The following C12orf42 variants were observed in gnomAD, a reference collection of about 807,000 sequenced individuals.
C12orf42 encodes the protein chromosome 12 open reading frame 42.
In C12orf42, 25 loss-of-function variants were observed where a neutral mutation model predicts 21.6. That is an observed-to-expected ratio of 1.16 (90% CI 0.84 to 1.62). The LOEUF is 1.62. C12orf42 is among the 40% of genes most tolerant of loss of function. C12orf42 has a pLI of 0.00. For synonymous variants in C12orf42, 174 were observed against 175.0 expected (o/e 0.99, Z 0.05); for missense variants, 483 against 459.3 (o/e 1.05, Z -0.47).
At chr12:103,326,681 T>G (rs1339101362) in intron 4 of C12orf42, among the ~76,000 whole-genome samples, 1 of 152,192 alleles carries the variant, frequency 6.6e-6, no homozygotes, top group Non-Finnish European at 1.5e-5. Flanking sequence ...ACATTGACAT[T>G]GGCTCAATCT....
intron 3 of C12orf42, among the ~76,000 whole-genome samples, chr12:103,389,406 G>C (rs766179238): frequency 3.9e-5 from 6 of 152,284 alleles, no homozygotes; most frequent in Non-Finnish European, 7.4e-5. Flanking sequence ...CCTCTGAGGA[G>C]GGAGGCCAAA....
intron 2 of C12orf42, among the ~76,000 whole-genome samples, chr12:103,422,876 A>T (rs2050031977): frequency 6.6e-6 from 1 of 152,016 alleles, no homozygotes; most frequent in African/African-American, 2.4e-5. Context: ...AGAAAAATAA[A>T]ACAATGCTCT....
chr12:103,095,137 A>T, the C12orf42 span, among the ~76,000 whole-genome samples: 2 of 152,178 alleles, frequency 1.3e-5, no homozygotes, highest in African/African-American at 4.8e-5. Context: ...TTATGGTAAT[A>T]GCCCCCTGAT....
the C12orf42 span, among the ~76,000 whole-genome samples, chr12:103,061,015 C>A: frequency 6.6e-6 from 1 of 152,124 alleles, no homozygotes; most frequent in South Asian, 2.1e-4. Context: ...AAGAGAACAG[C>A]ACTTCTTTAC....
At chr12:103,559,751 T>C in the C12orf42 span, 1 of 152,192 alleles carries the variant, frequency 6.6e-6, no homozygotes, top group Non-Finnish European at 1.5e-5. Context: ...CACCACCACA[T>C]ACCATTATGC....
chr12:103,526,847 T>C, the C12orf42 span, among the ~76,000 whole-genome samples: 72 of 152,318 alleles, frequency 4.7e-4, 1 homozygote, highest in African/African-American at 1.7e-3. Flanking sequence ...TAAATTTCTA[T>C]TGTTGAAGCT....
intron 2 of C12orf42, among the ~76,000 whole-genome samples, chr12:103,422,760 T>C (rs925125095): frequency 2.0e-5 from 3 of 151,420 alleles, no homozygotes; most frequent in African/African-American, 7.3e-5. Flanking sequence ...CAAGCAAGAC[T>C]GTAACTGTAA....
the C12orf42 span, among the ~76,000 whole-genome samples, chr12:103,099,826 A>AGACAACTT: frequency 2.3e-3 from 345 of 152,328 alleles, no homozygotes; most frequent in Non-Finnish European, 4.3e-3. Context: ...GACGTTTTAT[A>AGACAACTT]GACAACTTTC....
At chr12:103,536,989 A>G in the C12orf42 span, among the ~76,000 whole-genome samples, 2 of 152,006 alleles carry the variant, frequency 1.3e-5, no homozygotes, top group Non-Finnish European at 2.9e-5. Flanking sequence ...TGAAAACCCT[A>G]TGAGAGCAGA....
At chr12:103,483,616 G>A (rs1225881487) in intron 1 of C12orf42, among the ~76,000 whole-genome samples, 1 of 151,816 alleles carries the variant, frequency 6.6e-6, no homozygotes, top group African/African-American at 2.4e-5. Flanking sequence ...CCGTTTTTTT[G>A]CTGAATTTTT....
At chr12:103,562,899 C>T in the C12orf42 span, among the ~76,000 whole-genome samples, 1 of 152,202 alleles carries the variant, frequency 6.6e-6, no homozygotes, top group East Asian at 1.9e-4. Context: ...CATTGAAAGA[C>T]TCACATTAAC....
downstream of C12orf42, among the ~76,000 whole-genome samples, chr12:103,263,605 C>T (rs985139535): frequency 6.6e-6 from 1 of 152,136 alleles, no homozygotes; most frequent in African/African-American, 2.4e-5. Context: ...TGGCAAGGAA[C>T]TCCTCTGCTC....
intron 1 of C12orf42, among the ~76,000 whole-genome samples, chr12:103,482,876 G>A (rs568191666): frequency 6.6e-6 from 1 of 151,040 alleles, no homozygotes; most frequent in Non-Finnish European, 1.5e-5. Flanking sequence ...TCTTCTTCAG[G>A]TTCTTCTTAT....
chr12:103,223,259 C>T, the C12orf42 span, among the ~76,000 whole-genome samples: 5 of 151,754 alleles, frequency 3.3e-5, no homozygotes, highest in Admixed American at 3.3e-4. Flanking sequence ...GGATTAGGGG[C>T]GTCGTGGGAA....
intron 2 of C12orf42, among the ~76,000 whole-genome samples, chr12:103,431,984 C>A (rs910820259): frequency 4.6e-5 from 7 of 152,174 alleles, no homozygotes; most frequent in African/African-American, 1.4e-4. Context: ...GAAGGTCAAG[C>A]AGGCAACCTG....
At chr12:103,063,268 TC>T in the C12orf42 span, among the ~76,000 whole-genome samples, 1 of 152,118 alleles carries the variant, frequency 6.6e-6, no homozygotes, top group African/African-American at 2.4e-5. Context: ...AAGAACCTTA[TC>T]CCCTGTAGAG....
intron 10 of C12orf42, among the ~76,000 whole-genome samples, chr12:103,246,431 G>A (rs1421351297): frequency 6.6e-6 from 1 of 151,866 alleles, no homozygotes; most frequent in Non-Finnish European, 1.5e-5. Flanking sequence ...ATTTTAAGAG[G>A]GCTGGATTTA....
At chr12:103,143,665 A>G in the C12orf42 span, among the ~76,000 whole-genome samples, 2 of 152,260 alleles carry the variant, frequency 1.3e-5, no homozygotes, top group African/African-American at 2.4e-5. Context: ...CAAAGGCTGC[A>G]TAGTTCTAAG....
At chr12:103,125,266 C>T in the C12orf42 span, among the ~76,000 whole-genome samples, 1 of 151,798 alleles carries the variant, frequency 6.6e-6, no homozygotes, top group Non-Finnish European at 1.5e-5. Context: ...AAGCTAAGAC[C>T]CCAAAGCCAG....
Sources: gnomAD v4.1 joint callset for allele counts (sites outside exome capture counted in the v4.1 genomes callset) on GRCh38, gnomAD v4.1.1 for gene constraint, MANE v1.5 for transcripts, NCBI Gene and HGNC (gene_info 2026-07-23, HGNC 2026-07-21) for gene names.